The following ARNT2 variants were observed in gnomAD, a reference collection of about 807,000 sequenced individuals.
ARNT2 encodes ARNT protein 2.
In ARNT2, 36 loss-of-function variants were observed where a neutral mutation model predicts 91.7. The ratio of observed to expected loss-of-function variants is 0.39; its 90% CI spans 0.30 to 0.52. The LOEUF is 0.52. ARNT2 is among the 20% of genes least tolerant of loss of function. The pLI is 0.72. For missense variants in ARNT2, 775 were observed against 939.3 expected (o/e 0.83, Z 2.29); for synonymous variants, 365 against 347.1 (o/e 1.05, Z -0.57).
At chr15:80,542,299 A>C (rs986468964) in intron 8 of ARNT2, among the ~76,000 whole-genome samples, 2 of 152,212 alleles carry the variant, frequency 1.3e-5, no homozygotes, top group Non-Finnish European at 2.9e-5. Context: ...ATTCTTACAG[A>C]TGAACTCCCT....
At chr15:80,451,643 TAACCAACCAACC>T (rs936258757) in intron 2 of ARNT2, among the ~76,000 whole-genome samples, 2 of 151,584 alleles carry the variant, frequency 1.3e-5, no homozygotes. Context: ...ACCAACCAAC[TAACCAACCAACC>T]AACCAACCAA....
intron 5 of ARNT2, among the ~76,000 whole-genome samples, chr15:80,489,424 T>C (rs1262938844): frequency 1.3e-5 from 2 of 152,264 alleles, no homozygotes; most frequent in African/African-American, 2.4e-5. Context: ...AGTGATCTGA[T>C]AGATGGCTTT....
At chr15:80,435,239 C>A (rs1896069200) in intron 1 of ARNT2, among the ~76,000 whole-genome samples, 1 of 152,168 alleles carries the variant, frequency 6.6e-6, no homozygotes, top group Non-Finnish European at 1.5e-5. Flanking sequence ...TCCATAGGTG[C>A]CAGCTCTGCC....
At chr15:80,406,100 A>G (rs931450039) in intron 1 of ARNT2, among the ~76,000 whole-genome samples, 9 of 152,150 alleles carry the variant, frequency 5.9e-5, no homozygotes, top group African/African-American at 2.2e-4. Context: ...CCAGAGAGGA[A>G]GGAATGCACC....
intron 4 of ARNT2, 109 bp from the exon 5 acceptor site, chr15:80,474,901 C>A: frequency 1.8e-6 from 2 of 1,106,358 alleles, no homozygotes; most frequent in Non-Finnish European, 2.6e-6. Flanking sequence ...ATTTGTGTAC[C>A]AGAATAAATA....
At chr15:80,438,601 C>T (rs1125522) in intron 1 of ARNT2, among the ~76,000 whole-genome samples, 48,796 of 152,102 alleles carry the variant, frequency 0.32, 9,207 homozygotes, top group East Asian at 0.56. Context: ...CTCTTTTATT[C>T]TGTTTTATAG....
intron 5 of ARNT2, among the ~76,000 whole-genome samples, chr15:80,479,781 T>C (rs576497347): frequency 1.3e-5 from 2 of 152,254 alleles, no homozygotes; most frequent in South Asian, 2.1e-4. Context: ...CCCGGCTCTC[T>C]TGGCTCATTT....
At chr15:80,544,847 A>G (rs866108358) in intron 8 of ARNT2, among the ~76,000 whole-genome samples, 7 of 152,248 alleles carry the variant, frequency 4.6e-5, no homozygotes, top group African/African-American at 1.7e-4. Flanking sequence ...GAAAAGACTC[A>G]GAAACTCAGT....
rs78760942 is a variant in ARNT2, at chr15:80,442,952, G to A, written c.32-7928G>A. ...CTTTCCTCTGGCGTGCCCTCCTTGC[G>A]GCTCCATCATTCAGGCCTTGTCATC... is the stretch of plus-strand genomic sequence containing the variant. On this transcript the variant is annotated intron_variant, in intron 1 of 18. Coordinates refer to ENST00000303329, the MANE Select transcript of ARNT2 (RefSeq NM_014862.4). The A allele has an allele frequency of 1.1e-3, 1,062 of 985,334 alleles. 13 individuals carry two copies. The African/African-American group carries it at 0.014, about 13-fold the overall frequency. 61.0% of individuals were successfully genotyped at this position (985,334 alleles called of 1,614,324 possible).
chr15:80,441,267 A>G, intron 1 of ARNT2: 4 of 985,286 alleles, frequency 4.1e-6, no homozygotes, highest in Non-Finnish European at 3.6e-6. Flanking sequence ...ATACAAATGC[A>G]GCTACATTTC....
At chr15:80,472,921 GTTATCT>G (rs1896751563) in intron 4 of ARNT2, among the ~76,000 whole-genome samples, 1 of 152,100 alleles carries the variant, frequency 6.6e-6, no homozygotes, top group Non-Finnish European at 1.5e-5. Flanking sequence ...AATGAATCTC[GTTATCT>G]TTAAGTGACT....
intron 3 of ARNT2, among the ~76,000 whole-genome samples, chr15:80,459,564 A>G (rs1313489820): frequency 2.0e-5 from 3 of 152,176 alleles, no homozygotes; most frequent in Non-Finnish European, 1.5e-5. Context: ...AAACATAAAG[A>G]GGAAGAGAGA....
intron 12 of ARNT2, among the ~76,000 whole-genome samples, chr15:80,567,474 G>T (rs936748516): frequency 1.3e-5 from 2 of 152,178 alleles, no homozygotes; most frequent in Non-Finnish European, 2.9e-5. Flanking sequence ...AGGGGCAGAC[G>T]GGAGGGACAG....
At chr15:80,460,000 G>C (rs142872726) in intron 3 of ARNT2, among the ~76,000 whole-genome samples, 7 of 152,198 alleles carry the variant, frequency 4.6e-5, no homozygotes, top group African/African-American at 1.7e-4. Context: ...CTGTCCAGGG[G>C]AGGAGTGGAG....
At chr15:80,436,139 G>A (rs1212129814) in intron 1 of ARNT2, 1 of 152,240 alleles carries the variant, frequency 6.6e-6, no homozygotes, top group African/African-American at 2.4e-5. Context: ...CAGCCTGGGT[G>A]GGGCAGCGGT....
At chr15:80,503,438 A>G (rs929381340) in intron 5 of ARNT2, among the ~76,000 whole-genome samples, 1 of 152,220 alleles carries the variant, frequency 6.6e-6, no homozygotes, top group Non-Finnish European at 1.5e-5. Flanking sequence ...ACACAGAGAA[A>G]TAAACGTTGA....
chr15:80,480,761 T>G (rs1353728836), intron 5 of ARNT2, among the ~76,000 whole-genome samples: 3 of 151,892 alleles, frequency 2.0e-5, no homozygotes, highest in Non-Finnish European at 4.4e-5. Context: ...TCCCCATCCT[T>G]CCTGCCTGCC....
chr15:80,597,660 C>T lies in ARNT2; in HGVS notation c.*3962C>T, dbSNP rs985185460. On this transcript the variant is annotated 3_prime_UTR_variant, in exon 19 of 19. Coordinates refer to ENST00000303329, the MANE Select transcript of ARNT2 (RefSeq NM_014862.4). ...CAAAATGGAGGTTTCACAGGCTGTG[C>T]GGGAGCAGGACGGCTTGCTTCATCT... The T allele has an allele frequency of 1.2e-4, 19 of 158,382 alleles. No homozygotes were observed. The highest frequency in any genetic ancestry group is 5.5e-4 in the Admixed American group (9 of 16,272). 9.8% of individuals were successfully genotyped at this position (158,382 alleles called of 1,614,324 possible).
rs1596010517 is a variant in ARNT2, at chr15:80,554,785, A to G, written c.1090-280A>G. On this transcript the variant is annotated intron_variant, in intron 10 of 18. Transcript: ENST00000303329. ...TATTGCAGTTTGCCTCTCCAAGACA[A>G]ACAAAAATAAAATTGCATTCTGAAG... 1.6e-5 allele frequency: 5 copies of G among 320,000 alleles called. No homozygotes were observed. The East Asian group carries it at 2.5e-4, about 16-fold the overall frequency. 19.8% of individuals were successfully genotyped at this position (320,000 alleles called of 1,614,324 possible).
Sources: allele counts gnomAD v4.1 joint callset (sites outside exome capture counted in the v4.1 genomes callset), GRCh38; gene constraint gnomAD v4.1.1; transcripts MANE v1.5; gene names NCBI Gene and HGNC (gene_info 2026-07-23, HGNC 2026-07-21).